The following ORC3 variants were observed in gnomAD, a reference collection of about 807,000 sequenced individuals.
The protein encoded by ORC3 is origin recognition complex subunit 3, also known as homolog of latheo, Drosophila.
In ORC3, 78 loss-of-function variants were observed where a neutral mutation model predicts 100.7. The observed-to-expected ratio is 0.77, with a 90% CI of 0.65 to 0.94. The LOEUF (loss-of-function observed/expected upper bound fraction) is 0.94, where lower values mean the gene tolerates loss of function less well. Ranked by LOEUF, ORC3 falls within the 40% of genes least tolerant of loss-of-function variation. The probability of loss-of-function intolerance (pLI) is 0.00; values close to 1 mark genes in which losing one functional copy is unlikely to be tolerated. For missense variants in ORC3, 789 were observed against 823.9 expected (o/e 0.96, Z 0.52); for synonymous variants, 295 against 289.3 (o/e 1.02, Z -0.20).
chr6:87,659,434 T>C (rs1208448393), intron 16 of ORC3, among the ~76,000 whole-genome samples: 3 of 151,952 alleles, frequency 2.0e-5, no homozygotes, highest in Non-Finnish European at 2.9e-5. Flanking sequence ...ACTGAGAAAA[T>C]AGCAGCACAA....
chr6:87,641,763 A>G (rs111479857), intron 13 of ORC3, among the ~76,000 whole-genome samples: 140 of 152,306 alleles, frequency 9.2e-4, no homozygotes, highest in African/African-American at 3.1e-3. Context: ...AATAAAATAA[A>G]AACATGACCT....
Position 87,603,398 on chromosome 6 carries a change from A to G in ORC3, c.192A>G (p.Glu64=). 1 of 1,500,292 alleles carries G rather than the reference A, an allele frequency of 6.7e-7. No individual in the cohort carries two copies. 92.9% of individuals were successfully genotyped at this position (1,500,292 alleles called of 1,614,324 possible). A position where few individuals can be genotyped will look rare whatever the true frequency, so the allele number is the denominator to read the frequency against. ...MKSENERLQE[E]LNKNLFDNLI... ...GTTCTTTGTAGCGACTACAAGAGGAATTAAATAAAAACTTGTTTGACAATC... is the reference window on the plus strand; with the variant it reads ...GTTCTTTGTAGCGACTACAAGAGGAGTTAAATAAAAACTTGTTTGACAATC... Residue 64 remains glutamate, a synonymous_variant, in exon 4 of 20, where the codon GAA becomes GAG. Coordinates refer to ENST00000392844, the MANE Select transcript of ORC3 (RefSeq NM_012381.4).
the ORC3 span, chr6:87,675,903 C>A: frequency 6.2e-7 from 1 of 1,613,542 alleles, no homozygotes; most frequent in Non-Finnish European, 8.5e-7. Context: ...TTTGATCATG[C>A]GTAAACTTCA....
chr6:87,609,560 C>CT lies in ORC3; in HGVS notation c.713+343dup, dbSNP rs549492022. ...TTGAGTTTGTTGTTTTTGTTTTTTT[C>CT]TTTTTTTTTTTTGAGATGGAGCTTT... On this transcript the variant is annotated intron_variant, in intron 7 of 19. Coordinates refer to ENST00000392844, the MANE Select transcript of ORC3 (RefSeq NM_012381.4). 1,109 of 153,126 alleles carry CT rather than the reference C, an allele frequency of 7.2e-3. 1 individual carries two copies. Among genetic ancestry groups the CT allele is most frequent in the South Asian group, 0.018 (96 of 5,282 alleles). 9.5% of individuals were successfully genotyped at this position (153,126 alleles called of 1,614,324 possible).
chr6:87,634,645 G>A (rs1206373141), intron 11 of ORC3, among the ~76,000 whole-genome samples, 200 bp from the exon 12 acceptor site: 1 of 152,228 alleles, frequency 6.6e-6, no homozygotes, highest in Non-Finnish European at 1.5e-5. Context: ...CTTGTGTAAA[G>A]TATCACCAGA....
chr6:87,664,313 T>G (rs1770433029), intron 17 of ORC3, among the ~76,000 whole-genome samples: 2 of 152,148 alleles, frequency 1.3e-5, no homozygotes, highest in African/African-American at 4.8e-5. Context: ...GTCTTTTCTT[T>G]AAAAGAAATT....
rs1427094239 is a variant in ORC3, at chr6:87,621,956, G to GGAAAAGCAAGCTTCA, written c.1139_1153dup (p.Ala380_Gln384dup). On this transcript the variant is annotated inframe_insertion, in exon 11 of 20. Coordinates refer to ENST00000392844, the MANE Select transcript of ORC3 (RefSeq NM_012381.4). Reference sequence around the variant, plus strand: ...GGAATGGTGAAAATTCTAGGTACGTGGAAAAGCAAGCTTCAGAAAAGCAAG... The same window carrying GGAAAAGCAAGCTTCA: ...GGAATGGTGAAAATTCTAGGTACGTGGAAAAGCAAGCTTCAGAAAAGCAAGCTTCAGAAAAGCAAG... The GGAAAAGCAAGCTTCA allele has an allele frequency of 6.2e-7, 1 of 1,603,024 alleles. No homozygotes were observed. Among genetic ancestry groups the GGAAAAGCAAGCTTCA allele is most frequent in the Non-Finnish European group, 8.5e-7 (1 of 1,172,382 alleles).
chr6:87,621,898 A>G (rs1779559475), intron 10 of ORC3, 52 bp from the exon 11 acceptor site: 1 of 1,231,612 alleles, frequency 8.1e-7, no homozygotes, highest in Admixed American at 1.8e-5. Flanking sequence ...CTATTTAAAT[A>G]TGTTGAATGT....
chr6:87,676,403 T>C, the ORC3 span, among the ~76,000 whole-genome samples: 1 of 134,642 alleles, frequency 7.4e-6, no homozygotes, highest in Non-Finnish European at 1.5e-5. Flanking sequence ...GAGGTGGAGC[T>C]TGCAGTGAGC....
intron 13 of ORC3, among the ~76,000 whole-genome samples, chr6:87,644,013 T>C (rs1037739246): frequency 2.0e-5 from 3 of 149,696 alleles, no homozygotes; most frequent in Non-Finnish European, 4.4e-5. Context: ...CCCCCCAAAA[T>C]ATTTTCAATC....
rs62417700 is a variant in ORC3 at position 87,595,924 on chromosome 6, C to T, written c.79+1517C>T. On this transcript the variant is annotated intron_variant, in intron 2 of 19. Coordinates refer to ENST00000392844, the MANE Select transcript of ORC3 (RefSeq NM_012381.4). ...TCATAGCTCACTTCAGCCTTGAAAACTCCTGGGCTTAAATGATCCTCCCAC... is the reference window on the plus strand; with the variant it reads ...TCATAGCTCACTTCAGCCTTGAAAATTCCTGGGCTTAAATGATCCTCCCAC... 8.3e-3 allele frequency among the ~76,000 whole-genome samples: 1,267 copies of T among 152,318 alleles called. 10 individuals carry two copies. Among genetic ancestry groups the T allele is most frequent in the Non-Finnish European group, 0.013 (872 of 68,030 alleles).
intron 15 of ORC3, 91 bp from the exon 16 acceptor site, chr6:87,657,830 C>T (rs1475926848): frequency 3.1e-6 from 2 of 651,784 alleles, no homozygotes; most frequent in Non-Finnish European, 5.6e-6. Context: ...GAAAGGGCAT[C>T]AGGTGCTTCT....
At chr6:87,645,787 A>G (rs1227390888) in intron 13 of ORC3, among the ~76,000 whole-genome samples, 2 of 152,084 alleles carry the variant, frequency 1.3e-5, no homozygotes, top group African/African-American at 4.8e-5. Context: ...GCCCTGCAGG[A>G]TGATTGCTTT....
intron 11 of ORC3, among the ~76,000 whole-genome samples, chr6:87,633,254 A>G (rs578086557): frequency 6.6e-6 from 1 of 152,344 alleles, no homozygotes; most frequent in African/African-American, 2.4e-5. Context: ...GCACACATCA[A>G]GGTAATTAAT....
rs1562391023 is a variant in ORC3 at position 87,667,088 on chromosome 6, G to A, written c.2101G>A (p.Asp701Asn). 1 of 1,611,190 alleles carries A rather than the reference G, an allele frequency of 6.2e-7. No homozygotes were observed. Residue 701 changes from aspartate to asparagine, a missense_variant, in exon 20 of 20, where the codon GAC becomes AAC. By Grantham distance (23) the Asp-to-Asn change is conservative. Coordinates refer to ENST00000392844, the MANE Select transcript of ORC3 (RefSeq NM_012381.4). ...GFIKPTKQKT[D>N]HVARLTWGGC ...TATAAAACCTACCAAACAGAAGACT[G>A]ACCATGTGGCAAGACTAACATGGGG...
At chr6:87,625,672 G>T (rs773831794) in intron 11 of ORC3, among the ~76,000 whole-genome samples, 12 of 152,118 alleles carry the variant, frequency 7.9e-5, no homozygotes, top group Non-Finnish European at 1.6e-4. Context: ...AGTTTATTTT[G>T]CTGTGCAGAA....
chr6:87,659,550 A>G (rs1330750588), intron 16 of ORC3, among the ~76,000 whole-genome samples: 1 of 151,954 alleles, frequency 6.6e-6, no homozygotes, highest in East Asian at 1.9e-4. Context: ...GTTCCTAGTC[A>G]TTGGGGAGAA....
At chr6:87,617,843 T>C (rs1296344506) in intron 9 of ORC3, among the ~76,000 whole-genome samples, 2 of 152,200 alleles carry the variant, frequency 1.3e-5, no homozygotes, top group Admixed American at 6.5e-5. Flanking sequence ...GCCTTGAAGA[T>C]TATAAATTAT....
the ORC3 span, chr6:87,675,864 A>G: frequency 6.2e-7 from 1 of 1,613,104 alleles, no homozygotes; most frequent in Non-Finnish European, 8.5e-7. Flanking sequence ...ACTTACAGCT[A>G]GCAGGCTGTT....
Sources: allele counts gnomAD v4.1 joint callset (sites outside exome capture counted in the v4.1 genomes callset), GRCh38; gene constraint gnomAD v4.1.1; transcripts MANE v1.5; gene names NCBI Gene and HGNC (gene_info 2026-07-23, HGNC 2026-07-21).